Variants in FBF1 observed in about 807,000 individuals in gnomAD.
The protein encoded by FBF1 is fas-binding factor 1.
Under a neutral mutation model 147.2 loss-of-function variants are expected in FBF1, and 119 were observed. The observed-to-expected ratio is 0.81, with a 90% confidence interval of 0.70 to 0.94. FBF1 has a LOEUF of 0.94. Among genes scored for constraint, FBF1 ranks in the 40% least tolerant of loss-of-function variants. FBF1 has a pLI of 0.00. For missense variants in FBF1, 1,449 were observed against 1,500.8 expected (o/e 0.97, Z 0.57); for synonymous variants, 601 against 609.0 (o/e 0.99, Z 0.19).
chr17:75,929,950 A>ACCCCCCCCC, intron 7 of FBF1, 47 bp downstream of exon 7: 1 of 214,752 alleles, frequency 4.7e-6, no homozygotes, highest in South Asian at 3.2e-5. Flanking sequence ...TCATGACCCC[A>ACCCCCCCCC]CCCCACCCAC....
At chr17:75,912,057 C>T in intron 29 of FBF1, 135 bp downstream of exon 29, 1 of 798,088 alleles carries the variant, frequency 1.3e-6, no homozygotes, top group South Asian at 1.6e-5. Flanking sequence ...CATTGGCTCA[C>T]TAAGCAAACT....
chr17:75,933,546 G>T (rs1473071368), intron 4 of FBF1, among the ~76,000 whole-genome samples: 1 of 152,150 alleles, frequency 6.6e-6, no homozygotes, highest in Non-Finnish European at 1.5e-5. Context: ...ACTCCAGCCT[G>T]GGTGACAGGA....
At chr17:75,913,876 C>T (rs2065470389) in intron 27 of FBF1, 37 bp downstream of exon 27, 1 of 1,556,764 alleles carries the variant, frequency 6.4e-7, no homozygotes, top group Non-Finnish European at 8.7e-7. Flanking sequence ...GCTGGGGGTG[C>T]CGGGGGCAGG....
chr17:75,933,003 C>G lies in FBF1; in HGVS notation c.159G>C (p.Ala53=). 1 of 1,597,476 alleles carries G rather than the reference C, an allele frequency of 6.3e-7. No homozygotes were observed. Among genetic ancestry groups the G allele is most frequent in the Non-Finnish European group, 8.6e-7 (1 of 1,167,222 alleles). The change falls in exon 5 of 30, where the codon GCG becomes GCC. Residue 53 remains alanine (A), a synonymous_variant. Coordinates refer to ENST00000636174, the MANE Select transcript of FBF1 (RefSeq NM_001319193.2). ...GVSQMFPSSK[A]RTKSLLGDDV... is the part of the protein sequence containing the mutation. ...TCGGACCCTGCCCTTACTTTGTTCTCGCCTTTGAAGAAGGGAACATCTGAG... is the reference window on the plus strand; with the variant it reads ...TCGGACCCTGCCCTTACTTTGTTCTGGCCTTTGAAGAAGGGAACATCTGAG...
rs2065446807 is a variant in FBF1, at chr17:75,909,702, G to C, written c.*1021C>G. Reference sequence around the variant, plus strand: ...GCCACCGCAGACCGCAGGTGCTGGAGGGGAGAGGCACGTGGCCAGAGGCGC... The same window carrying C: ...GCCACCGCAGACCGCAGGTGCTGGACGGGAGAGGCACGTGGCCAGAGGCGC... On this transcript the variant is annotated 3_prime_UTR_variant, in exon 30 of 30. Coordinates refer to ENST00000636174, the MANE Select transcript of FBF1 (RefSeq NM_001319193.2). 1.7e-6 allele frequency: 1 copy of C among 581,192 alleles called. No homozygotes were observed. Among genetic ancestry groups the C allele is most frequent in the African/African-American group, 1.9e-5 (1 of 53,652 alleles). The allele number at this position is 581,192 out of a possible 1,614,324, so 36.0% of individuals were successfully genotyped here.
At chr17:75,931,940 T>C (rs1250733577) in intron 5 of FBF1, among the ~76,000 whole-genome samples, 1 of 152,168 alleles carries the variant, frequency 6.6e-6, no homozygotes, top group African/African-American at 2.4e-5. Context: ...TCTAGGCCAA[T>C]CCTTTAATTC....
At chr17:75,924,113 C>T (rs1044656125) in intron 13 of FBF1, among the ~76,000 whole-genome samples, 1 of 152,012 alleles carries the variant, frequency 6.6e-6, no homozygotes, top group Admixed American at 6.5e-5. Flanking sequence ...ACTTGGGAGG[C>T]TGAGGCATGA....
chr17:75,921,418 C>T, intron 16 of FBF1, 54 bp downstream of exon 16: 1 of 1,570,360 alleles, frequency 6.4e-7, no homozygotes, highest in Non-Finnish European at 8.7e-7. Context: ...CTCAAAGCAC[C>T]TCTTCCTCAC....
In FBF1 at chr17:75,923,114, G is replaced by A; in HGVS notation, c.1424+72C>T. On this transcript the variant is annotated intron_variant, in intron 14 of 29. Transcript: ENST00000636174. The surrounding 1 kb of genome is among the most constrained non-coding windows in gnomAD (Gnocchi z 4.1). ...ACTGCTGACTGAGGCTGCAACAGGT[G>A]AAGGGGCAAAGGGGCTCCTCAAGTC... 7.1e-7 allele frequency: 1 copy of A among 1,407,802 alleles called. No individual in the cohort carries two copies. The highest frequency in any genetic ancestry group is 9.5e-7 in the Non-Finnish European group (1 of 1,052,454). 87.2% of individuals were successfully genotyped at this position (1,407,802 alleles called of 1,614,324 possible).
intron 18 of FBF1, 79 bp downstream of exon 18, chr17:75,920,195 G>A (rs1329898865): frequency 1.9e-6 from 3 of 1,589,748 alleles, no homozygotes; most frequent in Non-Finnish European, 2.6e-6. Flanking sequence ...CCTCCCTCCT[G>A]GGGAAGCTTC....
chr17:75,914,233 C>T lies in FBF1; in HGVS notation c.2880G>A (p.Glu960=). The T allele has an allele frequency of 2.5e-6, 4 of 1,593,464 alleles. No homozygotes were observed. The highest frequency in any genetic ancestry group is 3.4e-6 in the Non-Finnish European group (4 of 1,172,210). Residue 960 remains glutamate, a synonymous_variant, in exon 26 of 30, where the codon GAG becomes GAA. Coordinates refer to ENST00000636174, the MANE Select transcript of FBF1 (RefSeq NM_001319193.2). ...LRAEEKQLAA[E]RAALEQERQE... is the part of the protein sequence containing the mutation. The stretch of plus-strand genomic sequence containing the variant: ...GCCGCTCCTGCTCCAGGGCTGCTCT[C>T]TCCGCTGCCAGCTGCTTCTCCTCGG...
At chr17:75,917,351 A>G (rs1343981050) in intron 23 of FBF1, among the ~76,000 whole-genome samples, 1 of 152,256 alleles carries the variant, frequency 6.6e-6, no homozygotes, top group Non-Finnish European at 1.5e-5. Context: ...TGAAGAGGCT[A>G]GGATGACATT....
chr17:75,920,236 A>G, intron 18 of FBF1, 38 bp downstream of exon 18: 1 of 1,597,934 alleles, frequency 6.3e-7, no homozygotes, highest in Non-Finnish European at 8.5e-7. Context: ...TCCTGTCGCA[A>G]CCCTGCCACC....
chr17:75,937,086 G>A (rs1454895607), intron 3 of FBF1, among the ~76,000 whole-genome samples: 1 of 152,094 alleles, frequency 6.6e-6, no homozygotes, highest in Non-Finnish European at 1.5e-5. Flanking sequence ...ATTTACGTCT[G>A]AACTTCTCTG....
chr17:75,938,085 T>A (rs750463428), intron 2 of FBF1, 62 bp downstream of exon 2: 1 of 1,605,282 alleles, frequency 6.2e-7, no homozygotes, highest in Admixed American at 1.7e-5. Flanking sequence ...GTCAAGATCT[T>A]TGGGGATGCA....
rs867205512 is a variant in FBF1, at chr17:75,920,023, T to C, written c.1915A>G (p.Ile639Val). ...QQQHQADLEL[I>V]ESAHRSRIKV... ...CCAGGGTACCTGTGTGCACTCTCGA[T>C]GAGCTCCAGGTCTGCCTGGTGCTGC... Residue 639 changes from isoleucine (I) to valine (V), a missense_variant, in exon 19 of 30, where the codon ATC (isoleucine) becomes GTC (valine). By Grantham distance (29) the Ile-to-Val change is conservative (BLOSUM62 3). Coordinates refer to ENST00000636174, the MANE Select transcript of FBF1 (RefSeq NM_001319193.2). 8.1e-6 allele frequency: 13 copies of C among 1,605,946 alleles called. No homozygotes were observed. Among genetic ancestry groups the C allele is most frequent in the Middle Eastern group, 1.7e-4 (1 of 6,050 alleles).
At chr17:75,917,662 C>T in intron 23 of FBF1, 70 bp downstream of exon 23, 1 of 1,397,204 alleles carries the variant, frequency 7.2e-7, no homozygotes, top group Non-Finnish European at 9.7e-7. Flanking sequence ...AGTGCCGCTA[C>T]ACTTGCGGGT....
At position 75,918,549 on chromosome 17, in the gene FBF1, G is replaced by A. The variant is rs1357641963; in HGVS notation, c.2139-280C>T. 4.6e-5 allele frequency among the ~76,000 whole-genome samples: 7 copies of A among 152,138 alleles called. No homozygotes were observed. Among genetic ancestry groups the A allele is most frequent in the Admixed American group, 2.6e-4 (4 of 15,270 alleles). On this transcript the variant is annotated intron_variant, in intron 20 of 29. Coordinates refer to ENST00000636174, the MANE Select transcript of FBF1 (RefSeq NM_001319193.2). This position sits in a 1 kb window ranked among gnomAD's most constrained non-coding sequence, Gnocchi z 5.8. ...CTCTCACTCTGTCGCCCAGGCTGGA[G>A]TTCAGTGGCATGATCTCGGCTCACT...
intron 29 of FBF1, among the ~76,000 whole-genome samples, chr17:75,911,741 G>A (rs1471011283): frequency 6.6e-6 from 1 of 152,110 alleles, no homozygotes; most frequent in Non-Finnish European, 1.5e-5. Context: ...GAACTCCTGG[G>A]CTCAAGTAAT....
Sources: allele counts gnomAD v4.1 joint callset (sites outside exome capture counted in the v4.1 genomes callset), GRCh38; gene constraint gnomAD v4.1.1; non-coding constraint Gnocchi (gnomAD v3.1); transcripts MANE v1.5; gene names NCBI Gene and HGNC (gene_info 2026-07-23, HGNC 2026-07-21).